Variants in HSPG2 observed in about 807,000 individuals in gnomAD.
HSPG2 encodes heparan sulfate proteoglycan 2.
HSPG2 carries 278 observed loss-of-function variants against 526.6 expected under a neutral mutation model. The observed-to-expected ratio is 0.53, with a 90% CI of 0.48 to 0.58. The LOEUF is 0.58. Ranked by LOEUF, HSPG2 falls within the 20% of genes least tolerant of loss-of-function variation. The pLI is 0.00. For missense variants in HSPG2, 5,354 were observed against 6,099.5 expected, an observed-to-expected ratio of 0.88 and a Z score of 4.07; for synonymous variants, 2,465 against 2,555.4, an observed-to-expected ratio of 0.96 and a Z score of 1.07.
chr1:21,823,634 T>C lies in HSPG2; in HGVS notation c.12985A>G (p.Lys4329Glu), dbSNP rs749564257. Residue 4329 changes from lysine to glutamate, a missense_variant, in exon 96 of 97, where the codon AAG becomes GAG. Physicochemically the swap from Lys to Glu is moderately conservative, Grantham distance 56. Transcript: ENST00000374695. ...SPGPNVAVNA[K>E]GSVYIGGAPD... ...GACTTACCGATGTAGACGCTGCCCT[T>C]GGCGTTGACTGCCACGTTGGGACCT... is the stretch of plus-strand genomic sequence containing the variant. 5 of 1,613,770 alleles carry C rather than the reference T, an allele frequency of 3.1e-6. No homozygotes were observed. Among genetic ancestry groups the C allele is most frequent in the Non-Finnish European group, 4.2e-6 (5 of 1,179,958 alleles).
In HSPG2 at chr1:21,847,319, C is replaced by G. The variant is rs773545543; in HGVS notation, c.8164+35G>C. The G allele has an allele frequency of 1.2e-6, 2 of 1,612,966 alleles. No homozygotes were observed. The highest frequency in any genetic ancestry group is 1.7e-6 in the Non-Finnish European group (2 of 1,179,498). ...TCCTTCTCCCCAGGGAACACTGTTG[C>G]CTGCATCCCTCGTCCCTTTCCTAGG... On this transcript the variant is annotated intron_variant, in intron 62 of 96. Transcript: ENST00000374695. The surrounding 1 kb of genome is among the most constrained non-coding windows in gnomAD (Gnocchi z 4.1).
chr1:21,841,759 A>AGG, intron 69 of HSPG2, 86 bp from the exon 70 acceptor site: 1 of 1,547,480 alleles, frequency 6.5e-7, no homozygotes, highest in Non-Finnish European at 8.9e-7. Flanking sequence ...CCCTGGGCCC[A>AGG]CTTCCCCAAT....
At chr1:21,903,382 C>G (rs1326104010) in intron 1 of HSPG2, among the ~76,000 whole-genome samples, 1 of 152,180 alleles carries the variant, frequency 6.6e-6, no homozygotes, top group Non-Finnish European at 1.5e-5. Context: ...AGGCGGATCA[C>G]CTGAGGTCAG....
Position 21,839,390 on chromosome 1 carries a change from G to A in HSPG2, c.9870C>T (p.Thr3290=). 6.2e-7 allele frequency: 1 copy of A among 1,613,300 alleles called. No individual in the cohort carries two copies. The highest frequency in any genetic ancestry group is 8.5e-7 in the Non-Finnish European group (1 of 1,180,010). The part of the protein sequence containing the change: ...ATSPAGHAEA[T]IILHVESPPY... ...CCTTACTCTCCACGTGCAGGATGAT[G>A]GTGGCCTCAGCGTGCCCAGCAGGGC... Residue 3290 remains threonine (T), a synonymous_variant, in exon 73 of 97, where the codon ACC becomes ACT. Coordinates refer to ENST00000374695, the MANE Select transcript of HSPG2 (RefSeq NM_005529.7). This position sits in a 1 kb window ranked among gnomAD's most constrained non-coding sequence, Gnocchi z 4.5.
In HSPG2 at chr1:21,857,178, C is replaced by T. The variant is rs1166186399; in HGVS notation, c.5412G>A (p.Leu1804=). Residue 1804 remains leucine (L), a synonymous_variant, in exon 44 of 97, where the codon CTG becomes CTA. Coordinates refer to ENST00000374695, the MANE Select transcript of HSPG2 (RefSeq NM_005529.7). ...TCCCGTTGTGCAGGCGGGTCCACAC[C>T]AGGGTATAGGCTGGGGACTGCAGGG... ...TAKSKSPAYT[L]VWTRLHNGKL... 1 of 1,613,998 alleles carries T rather than the reference C, an allele frequency of 6.2e-7. No individual in the cohort carries two copies. Among genetic ancestry groups the T allele is most frequent in the African/African-American group, 1.3e-5 (1 of 74,904 alleles).
Position 21,841,540 on chromosome 1 carries a change from GT to G in HSPG2, c.9326del (p.His3109ProfsTer16), listed in dbSNP as rs2098048505. 1.2e-6 allele frequency: 2 copies of G among 1,614,232 alleles called. No homozygotes were observed. Among genetic ancestry groups the G allele is most frequent in the African/African-American group, 1.3e-5 (1 of 75,070 alleles). On this transcript the variant is annotated frameshift_variant and splice_region_variant, in exon 70 of 97. Transcript: ENST00000374695. LOFTEE classifies it high-confidence loss of function. ...VAQSVVNLSV[H>X]GPPTVSVLPE... is the part of the protein sequence containing the mutation. Reference sequence around the variant, plus strand: ...CCCACAGGGTCAACGTCCCCTCACCGTGCACACTGAGGTTCACCACACTCTG... The same window carrying G: ...CCCACAGGGTCAACGTCCCCTCACCGGCACACTGAGGTTCACCACACTCTG...
intron 1 of HSPG2, among the ~76,000 whole-genome samples, chr1:21,911,267 GGA>G (rs1396527144): frequency 6.6e-6 from 1 of 152,220 alleles, no homozygotes; most frequent in Non-Finnish European, 1.5e-5. Context: ...AGATGTACTG[GGA>G]GGAGGGGGCT....
rs1474966385 is a variant in HSPG2, at chr1:21,833,903, G to A, written c.10743C>T (p.Pro3581=). ...LVQALPQISM[P]QEVRVPAGSA... ...AACCAGCAGGCACACGGACTTCTTG[G>A]GGCATTGAGATCTGGGGCAAGGCTG... Residue 3581 remains proline, a synonymous_variant, in exon 78 of 97, where the codon CCC becomes CCT. Coordinates refer to ENST00000374695, the MANE Select transcript of HSPG2 (RefSeq NM_005529.7). 7.5e-6 allele frequency: 12 copies of A among 1,593,226 alleles called. No homozygotes were observed. Among genetic ancestry groups the A allele is most frequent in the Non-Finnish European group, 1.0e-5 (12 of 1,169,616 alleles).
rs761390295 is a variant in HSPG2 at position 21,824,254 on chromosome 1, TGG to T, written c.12815+50_12815+51del. The T allele has an allele frequency of 6.2e-7, 1 of 1,611,534 alleles. No homozygotes were observed. Among genetic ancestry groups the T allele is most frequent in the Non-Finnish European group, 8.5e-7 (1 of 1,178,814 alleles). ...TATGAGCTGGGGCAGGACCGGGGGG[TGG>T]GGTGCTGGGACCAGGGAAGGGAGAG... On this transcript the variant is annotated intron_variant, in intron 94 of 96. Transcript: ENST00000374695. This position sits in a 1 kb window ranked among gnomAD's most constrained non-coding sequence, Gnocchi z 5.9.
chr1:21,870,159 G>T, intron 33 of HSPG2: 1 of 787,802 alleles, frequency 1.3e-6, no homozygotes, highest in Non-Finnish European at 1.5e-6. Flanking sequence ...TCAGCTCTCT[G>T]GTCTCCTCGC....
intron 9 of HSPG2, among the ~76,000 whole-genome samples, chr1:21,885,854 G>A (rs919987074): frequency 1.3e-5 from 2 of 152,232 alleles, no homozygotes; most frequent in Non-Finnish European, 2.9e-5. Context: ...CTACCAGAAT[G>A]CCTGGCACAG....
In HSPG2 at chr1:21,828,696, C is replaced by T. The variant is rs1189015045; in HGVS notation, c.12237+139G>A. 5.5e-6 allele frequency: 7 copies of T among 1,261,382 alleles called. No individual in the cohort carries two copies. The highest frequency in any genetic ancestry group is 7.8e-6 in the Non-Finnish European group (7 of 897,444). 78.1% of individuals were successfully genotyped at this position (1,261,382 alleles called of 1,614,324 possible). On this transcript the variant is annotated intron_variant, in intron 88 of 96. Transcript: ENST00000374695. This position sits in a 1 kb window ranked among gnomAD's most constrained non-coding sequence, Gnocchi z 6.0. ...TTTTACAGAGGAGGAAACTGAGGCT[C>T]AGAGGTACAGTGTCCTGGCCCAGGG...
rs539864235 is a variant in HSPG2 at position 21,869,596 on chromosome 1, G to A, written c.4221+2590C>T. The A allele has an allele frequency of 3.8e-4, 378 of 986,076 alleles. 3 individuals carry two copies. In the Middle Eastern group the frequency reaches 7.2e-3, roughly 19 times the overall value. 61.1% of individuals were successfully genotyped at this position (986,076 alleles called of 1,614,324 possible). On this transcript the variant is annotated intron_variant, in intron 33 of 96. Coordinates refer to ENST00000374695, the MANE Select transcript of HSPG2 (RefSeq NM_005529.7). Reference sequence around the variant, plus strand: ...AGAGAGCCCCTGGGGAGGGGGTTGGGGTTGGGCAGCAAAGCTGGACAGGAG... The same window carrying A: ...AGAGAGCCCCTGGGGAGGGGGTTGGAGTTGGGCAGCAAAGCTGGACAGGAG...
Position 21,832,532 on chromosome 1 carries a change from T to C in HSPG2, c.11170A>G (p.Ile3724Val). The change falls in exon 81 of 97, where the codon ATC becomes GTC. Residue 3724 changes from isoleucine to valine, a missense_variant. Transcript: ENST00000374695. ...CTTCCCCCCACGAGGCCGAAGGAGA[T>C]GAAGTCGGGCTGCCGGTTGGCCAGG... ...TNLANRQPDF[I>V]SFGLVGGRPE... The C allele has an allele frequency of 1.9e-6, 3 of 1,614,158 alleles. No individual in the cohort carries two copies. Among genetic ancestry groups the C allele is most frequent in the Non-Finnish European group, 2.5e-6 (3 of 1,180,014 alleles).
At chr1:21,906,923 G>A (rs1643409904) in intron 1 of HSPG2, among the ~76,000 whole-genome samples, 1 of 152,116 alleles carries the variant, frequency 6.6e-6, no homozygotes, top group African/African-American at 2.4e-5. Context: ...AGTACCCAGG[G>A]GCTCTGTAAA....
chr1:21,879,990 C>T, intron 17 of HSPG2, 117 bp downstream of exon 17: 1 of 1,212,592 alleles, frequency 8.2e-7, no homozygotes, highest in East Asian at 2.3e-5. Flanking sequence ...CATGATAGTT[C>T]ATCTGGCAGT....
chr1:21,862,091 C>A lies in HSPG2; in HGVS notation c.4765G>T (p.Glu1589Ter), dbSNP rs750108837. The part of the protein sequence containing the change: ...CSQCQHNAAG[E>*]FCELCAPGYY... Reference sequence around the variant, plus strand: ...CCAGGGGCACAAAGCTCGCAGAACTCCCCTGCGGCGTTGTGCTGGCATTGC... The same window carrying A: ...CCAGGGGCACAAAGCTCGCAGAACTACCCTGCGGCGTTGTGCTGGCATTGC... The change falls in exon 38 of 97, where the codon GAG (glutamate) becomes TAG (stop). Residue 1589 changes from glutamate to a stop codon, truncating the protein, a stop_gained. Coordinates refer to ENST00000374695, the MANE Select transcript of HSPG2 (RefSeq NM_005529.7). LOFTEE classifies it high-confidence loss of function. 1 of 1,613,666 alleles carries A rather than the reference C, an allele frequency of 6.2e-7. No individual in the cohort carries two copies.
intron 1 of HSPG2, among the ~76,000 whole-genome samples, chr1:21,919,709 A>ACC (rs1325119415): frequency 6.6e-6 from 1 of 152,118 alleles, no homozygotes; most frequent in African/African-American, 2.4e-5. Context: ...GCAGATTCTG[A>ACC]GTCAGTAGGT....
In HSPG2 at chr1:21,831,516, C is replaced by A; in HGVS notation, c.11399G>T (p.Gly3800Val). 6.2e-7 allele frequency: 1 copy of A among 1,614,144 alleles called. No homozygotes were observed. The highest frequency in any genetic ancestry group is 8.5e-7 in the Non-Finnish European group (1 of 1,179,994). ...LDLNEELYLGGYPDYGAIPKA... is the reference protein window; with the variant it reads ...LDLNEELYLGVYPDYGAIPKA... ...GGGGATGGCACCATAGTCAGGATAG[C>A]CACCCAGGTAGAGTTCCTCGTTCAG... The change falls in exon 83 of 97, where the codon GGC (glycine) becomes GTC (valine). Residue 3800 changes from glycine to valine, a missense_variant. Gly to Val is a moderately radical substitution (Grantham distance 109, BLOSUM62 -3). Transcript: ENST00000374695.
Sources: allele counts gnomAD v4.1 joint callset (sites outside exome capture counted in the v4.1 genomes callset), GRCh38; gene constraint gnomAD v4.1.1; non-coding constraint Gnocchi (gnomAD v3.1); transcripts MANE v1.5; gene names NCBI Gene and HGNC (gene_info 2026-07-23, HGNC 2026-07-21).